The following SURF4 variants were observed in gnomAD, a reference collection of about 807,000 sequenced individuals.
The protein encoded by SURF4 is surfeit 4.
Under a neutral mutation model 30.0 loss-of-function variants are expected in SURF4, and 3 were observed. The ratio of observed to expected loss-of-function variants is 0.10; its 90% CI spans 0.05 to 0.26. SURF4 has a LOEUF of 0.26. Ranked by LOEUF, SURF4 falls within the 10% of genes least tolerant of loss-of-function variation. The pLI, the probability that SURF4 is intolerant of heterozygous loss-of-function variation, is 1.00. For missense variants in SURF4, 217 were observed against 350.8 expected, an observed-to-expected ratio of 0.62 and a Z score of 3.05; for synonymous variants, 143 against 139.9, an observed-to-expected ratio of 1.02 and a Z score of -0.16.
At chr9:133,375,264 C>A in intron 1 of SURF4, 1 of 985,496 alleles carries the variant, frequency 1.0e-6, no homozygotes, top group Non-Finnish European at 1.2e-6. Context: ...AGGAGACTAT[C>A]AGGGAGATAG....
intron 1 of SURF4, among the ~76,000 whole-genome samples, 184 bp downstream of exon 1, chr9:133,375,738 G>A (rs1255182470): frequency 6.6e-6 from 1 of 152,094 alleles, no homozygotes; most frequent in East Asian, 1.9e-4. Flanking sequence ...GGGAGACTGG[G>A]CCCGGAGGCC....
At chr9:133,375,665 G>A (rs2130239239) in intron 1 of SURF4, among the ~76,000 whole-genome samples, 11 of 152,232 alleles carry the variant, frequency 7.2e-5, no homozygotes, top group Admixed American at 3.9e-4. Flanking sequence ...CTGGCTGGAG[G>A]GTGGGGGCGG....
In SURF4 at chr9:133,363,722, A is replaced by G. The variant is rs1836978369; in HGVS notation, c.581T>C (p.Leu194Ser). The stretch of plus-strand genomic sequence containing the variant: ...CTTGGTTTTAAAACCAATGGCCACT[A>G]AAATCATCAGAGCTGTGCCCACGAT... The part of the protein sequence containing the change: ...QNIVGTALMI[L>S]VAIGFKTKLA... Residue 194 changes from leucine (L) to serine (S), a missense_variant, in exon 6 of 6, where the codon TTA (leucine) becomes TCA (serine). Transcript: ENST00000371989. This position sits in a 1 kb window ranked among gnomAD's most constrained non-coding sequence, Gnocchi z 4.3. 1.2e-6 allele frequency: 2 copies of G among 1,614,234 alleles called. No homozygotes were observed. Among genetic ancestry groups the G allele is most frequent in the Non-Finnish European group, 1.7e-6 (2 of 1,180,050 alleles).
chr9:133,361,464 T>A lies in SURF4; in HGVS notation c.*2029A>T. Reference sequence around the variant, plus strand: ...GGCAACGCTATAGGATCACACTGCATACAACAAACGCCATTATTTATTTTG... The same window carrying A: ...GGCAACGCTATAGGATCACACTGCAAACAACAAACGCCATTATTTATTTTG... On this transcript the variant is annotated 3_prime_UTR_variant, in exon 6 of 6. Coordinates refer to ENST00000371989, the MANE Select transcript of SURF4 (RefSeq NM_033161.4). 4.1e-6 allele frequency: 1 copy of A among 242,850 alleles called. No individual in the cohort carries two copies. Among genetic ancestry groups the A allele is most frequent in the Non-Finnish European group, 8.2e-6 (1 of 121,748 alleles). The allele number at this position is 242,850 out of a possible 1,614,324, so 15.0% of individuals were successfully genotyped here. A position where few individuals can be genotyped will look rare whatever the true frequency, so the allele number is the denominator to read the frequency against.
chr9:133,364,882 C>T lies in SURF4; in HGVS notation c.501G>A (p.Leu167=), dbSNP rs1837074328. The T allele has an allele frequency of 6.2e-7, 1 of 1,613,934 alleles. No individual in the cohort carries two copies. Among genetic ancestry groups the T allele is most frequent in the Non-Finnish European group, 8.5e-7 (1 of 1,180,020 alleles). Residue 167 remains leucine (L), a synonymous_variant, in exon 5 of 6, where the codon CTG becomes CTA. Coordinates refer to ENST00000371989, the MANE Select transcript of SURF4 (RefSeq NM_033161.4). ...CAAAGTGAAGGAGGGTCATGAACAT[C>T]AGAACCAGCAAGACCCTGCCTCCGA... ...MQLGGRVLLV[L]MFMTLLHFDA...
At position 133,366,125 on chromosome 9, in the gene SURF4, T is replaced by A. The variant is rs2130123965; in HGVS notation, c.313-97A>T. 3 of 1,281,210 alleles carry A rather than the reference T, an allele frequency of 2.3e-6. No individual in the cohort carries two copies. The African/African-American group carries it at 4.4e-5, about 19-fold the overall frequency. 79.4% of individuals were successfully genotyped at this position (1,281,210 alleles called of 1,614,324 possible). A position where few individuals can be genotyped will look rare whatever the true frequency, so the allele number is the denominator to read the frequency against. ...ATTAGGCCGTCTCTCCAATGTCAGC[T>A]GGAGTCTAAAACACACAAAACCATT... On this transcript the variant is annotated intron_variant, in intron 3 of 5. Transcript: ENST00000371989.
rs2130084618 is a variant in SURF4 at position 133,363,355 on chromosome 9, G to A, written c.*138C>T. On this transcript the variant is annotated 3_prime_UTR_variant, in exon 6 of 6. Coordinates refer to ENST00000371989, the MANE Select transcript of SURF4 (RefSeq NM_033161.4). The surrounding 1 kb of genome is among the most constrained non-coding windows in gnomAD (Gnocchi z 4.3). ...ATTCTCAGGTGTCTCTGCAAATAAA[G>A]TTCTCAAAACATCTGTGCCTTTACC... The A allele has an allele frequency of 1.4e-6, 2 of 1,386,798 alleles. No individual in the cohort carries two copies. Among genetic ancestry groups the A allele is most frequent in the Non-Finnish European group, 2.0e-6 (2 of 993,146 alleles). The allele number at this position is 1,386,798 out of a possible 1,614,324, so 85.9% of individuals were successfully genotyped here.
Position 133,366,620 on chromosome 9 carries a change from G to C in SURF4, c.291C>G (p.Leu97=), listed in dbSNP as rs2130129132. ...GTACCTGCAGAGCTATGATTCCAAA[G>C]AGCCCGAAGCAGGCGTACTGCACGA... ...RNFVQYACFG[L]FGIIALQTIA... Residue 97 remains leucine (L), a synonymous_variant, in exon 3 of 6, where the codon CTC becomes CTG. Coordinates refer to ENST00000371989, the MANE Select transcript of SURF4 (RefSeq NM_033161.4). The C allele has an allele frequency of 6.2e-7, 1 of 1,614,006 alleles. No individual in the cohort carries two copies. Among genetic ancestry groups the C allele is most frequent in the Non-Finnish European group, 8.5e-7 (1 of 1,180,010 alleles).
At chr9:133,370,594 A>T (rs1259217775) in intron 1 of SURF4, among the ~76,000 whole-genome samples, 1 of 152,208 alleles carries the variant, frequency 6.6e-6, no homozygotes, top group Non-Finnish European at 1.5e-5. Flanking sequence ...GAACCATGTC[A>T]TGCCACTCTA....
upstream of SURF4, chr9:133,376,283 G>C: frequency 7.6e-7 from 1 of 1,319,606 alleles, no homozygotes; most frequent in Admixed American, 4.2e-5. Flanking sequence ...AGGCCCTGCG[G>C]TCCCTCCCGG....
At chr9:133,376,930 G>A (rs1397921715), upstream of SURF4, among the ~76,000 whole-genome samples, 4 of 152,204 alleles carry the variant, frequency 2.6e-5, no homozygotes, top group Non-Finnish European at 5.9e-5. Flanking sequence ...CCCCTGCAGC[G>A]TGGGTCTGTG....
At chr9:133,375,803 G>A in intron 1 of SURF4, 119 bp downstream of exon 1, 1 of 1,056,816 alleles carries the variant, frequency 9.5e-7, no homozygotes, top group Non-Finnish European at 1.2e-6. Context: ...GTCCCCCTGT[G>A]GGAACAAGGA....
chr9:133,375,293 C>G, intron 1 of SURF4: 1 of 985,552 alleles, frequency 1.0e-6, no homozygotes. Flanking sequence ...TCCTCCCAGG[C>G]TGTGTACAGG....
At chr9:133,365,561 G>C (rs2130118138) in intron 4 of SURF4, among the ~76,000 whole-genome samples, 20,308 of 152,090 alleles carry the variant, frequency 0.13, 1,953 homozygotes, top group African/African-American at 0.27. Flanking sequence ...CTAATGATAG[G>C]TGATGAGCTA....
At chr9:133,365,850 G>C in intron 4 of SURF4, 135 bp downstream of exon 4, 1 of 845,948 alleles carries the variant, frequency 1.2e-6, no homozygotes, top group East Asian at 2.5e-5. Flanking sequence ...AACCTGAAAT[G>C]CTCCAATGAG....
chr9:133,368,556 A>C (rs1451050808), intron 1 of SURF4, among the ~76,000 whole-genome samples: 2 of 152,244 alleles, frequency 1.3e-5, no homozygotes, highest in Non-Finnish European at 2.9e-5. Flanking sequence ...AGCAAATTAA[A>C]ACACACTAAC....
intron 2 of SURF4, 70 bp downstream of exon 2, chr9:133,367,189 A>T: frequency 1.9e-6 from 3 of 1,556,656 alleles, no homozygotes; most frequent in Non-Finnish European, 2.6e-6. Flanking sequence ...GTTCACACAC[A>T]GCCTCCCAAC....
In SURF4 at chr9:133,368,027, C is replaced by T. The variant is rs2130153460; in HGVS notation, c.49-582G>A. On this transcript the variant is annotated intron_variant, in intron 1 of 5. Transcript: ENST00000371989. The stretch of plus-strand genomic sequence containing the variant: ...CAGCAGCCTCCCTCCTGAGGCACCG[C>T]TGCACTTTGCCAGGCATCTCCGCTG... 2.3e-3 allele frequency among the ~76,000 whole-genome samples: 348 copies of T among 152,356 alleles called. 2 individuals carry two copies. Among genetic ancestry groups the T allele is most frequent in the African/African-American group, 8.1e-3 (337 of 41,582 alleles).
chr9:133,371,401 A>G (rs2130188853), intron 1 of SURF4, among the ~76,000 whole-genome samples: 83 of 152,330 alleles, frequency 5.4e-4, no homozygotes, highest in Admixed American at 8.5e-4. Context: ...ATGCTGCTCT[A>G]TAGGTTCACA....
Sources: gnomAD v4.1 joint callset for allele counts (sites outside exome capture counted in the v4.1 genomes callset) on GRCh38, gnomAD v4.1.1 for gene constraint, Gnocchi (gnomAD v3.1) non-coding constraint, MANE v1.5 for transcripts, NCBI Gene and HGNC (gene_info 2026-07-23, HGNC 2026-07-21) for gene names.